The following CD8B2 variants were observed in gnomAD, a reference collection of about 807,000 sequenced individuals.
The protein encoded by CD8B2 is T-cell surface glycoprotein CD8 beta-2 chain.
CD8B2 carries 11 observed loss-of-function variants against 23.7 expected under a neutral mutation model. The ratio of observed to expected loss-of-function variants is 0.46; its 90% CI spans 0.29 to 0.77. CD8B2 has a LOEUF of 0.77. Among genes scored for constraint, CD8B2 ranks in the 30% least tolerant of loss-of-function variants. The pLI is 0.09. For missense variants in CD8B2, 197 were observed against 270.5 expected (o/e 0.73, Z 1.91); for synonymous variants, 90 against 109.3 (o/e 0.82, Z 1.10).
chr2:106,525,234 C>G (rs1158080030), intron 5 of CD8B2, among the ~76,000 whole-genome samples: 2 of 152,184 alleles, frequency 1.3e-5, no homozygotes, highest in Admixed American at 6.5e-5. Flanking sequence ...TCCACGCTCA[C>G]CTAGTTAGAG....
chr2:106,491,847 C>A (rs1679203473), intron 2 of CD8B2, among the ~76,000 whole-genome samples: 1 of 152,194 alleles, frequency 6.6e-6, no homozygotes, highest in Admixed American at 6.5e-5. Flanking sequence ...CCGTGCCTGG[C>A]CAGGCATTAT....
At chr2:106,526,883 C>T (rs1453361351) in intron 5 of CD8B2, among the ~76,000 whole-genome samples, 2 of 152,228 alleles carry the variant, frequency 1.3e-5, no homozygotes, top group Non-Finnish European at 2.9e-5. Flanking sequence ...CTCAGGTCAT[C>T]TGCCTGCCTC....
At chr2:106,537,237 T>G (rs933023193) in intron 5 of CD8B2, among the ~76,000 whole-genome samples, 3 of 152,188 alleles carry the variant, frequency 2.0e-5, no homozygotes, top group African/African-American at 7.2e-5. Flanking sequence ...TCCCTATGTG[T>G]GTTTTAAACA....
chr2:106,514,756 G>GTGTC (rs1679701341), downstream of CD8B2, among the ~76,000 whole-genome samples: 1 of 150,604 alleles, frequency 6.6e-6, no homozygotes, highest in Non-Finnish European at 1.5e-5. Context: ...AGACTTTTGT[G>GTGTC]TGTGTGTGTG....
chr2:106,531,735 C>G (rs1679992417), intron 5 of CD8B2, among the ~76,000 whole-genome samples: 1 of 152,190 alleles, frequency 6.6e-6, no homozygotes, highest in South Asian at 2.1e-4. Flanking sequence ...GCATTCCAGT[C>G]CAGTGAGAAC....
rs1176781409 is a variant in CD8B2 at position 106,496,361 on chromosome 2, A to G, written c.493+99A>G. 5 of 1,434,068 alleles carry G rather than the reference A, an allele frequency of 3.5e-6. No homozygotes were observed. In the East Asian group the frequency reaches 7.5e-5, roughly 22 times the overall value. The allele number at this position is 1,434,068 out of a possible 1,614,324, so 88.8% of individuals were successfully genotyped here. Reference sequence around the variant, plus strand: ...CTTCCCCAGGCACTTTCCAAGTGTCAACTCTAGAGCCTATCTCCCCAGCCC... The same window carrying G: ...CTTCCCCAGGCACTTTCCAAGTGTCGACTCTAGAGCCTATCTCCCCAGCCC... On this transcript the variant is annotated intron_variant, in intron 3 of 5. Coordinates refer to ENST00000643224, the MANE Select transcript of CD8B2 (RefSeq NM_001349727.2).
rs572023502 is a variant in CD8B2 at position 106,495,475 on chromosome 2, G to T, written c.404-698G>T. 3.9e-5 allele frequency among the ~76,000 whole-genome samples: 6 copies of T among 152,264 alleles called. 1 individual carries two copies. In the South Asian group the frequency reaches 1.0e-3, roughly 26 times the overall value. Reference sequence around the variant, plus strand: ...AATTGCTTGAACCCGGGAGGCAAAGGTTGCAGTGAGCCGAGATCGTGCCAC... The same window carrying T: ...AATTGCTTGAACCCGGGAGGCAAAGTTTGCAGTGAGCCGAGATCGTGCCAC... On this transcript the variant is annotated intron_variant, in intron 2 of 5. Coordinates refer to ENST00000643224, the MANE Select transcript of CD8B2 (RefSeq NM_001349727.2).
chr2:106,504,267 C>T (rs558684376), intron 4 of CD8B2, 22 bp from the exon 5 acceptor site: 304 of 1,555,726 alleles, frequency 2.0e-4, no homozygotes, highest in Non-Finnish European at 2.3e-4. Flanking sequence ...CACTGACTGG[C>T]GCCCTTGCTT....
In CD8B2 at chr2:106,502,527, C is replaced by T; in HGVS notation, c.547C>T (p.Leu183=). The change falls in exon 4 of 6, where the codon CTG becomes TTG. Residue 183 remains leucine, a synonymous_variant. Transcript: ENST00000643224. ...CCTGCTGGTGGCTGGCGTCCTGGTT[C>T]TGCTGGTTTCCCTGGGAGTGGCCAT... is the stretch of plus-strand genomic sequence containing the variant. ...LGLLVAGVLV[L]LVSLGVAMHL... 6.3e-7 allele frequency: 1 copy of T among 1,583,966 alleles called. No homozygotes were observed. Among genetic ancestry groups the T allele is most frequent in the Admixed American group, 1.8e-5 (1 of 55,876 alleles).
intron 5 of CD8B2, chr2:106,535,050 G>C (rs1234003670): frequency 6.6e-6 from 1 of 152,168 alleles, no homozygotes; most frequent in East Asian, 1.9e-4. Context: ...TCAAATTCCT[G>C]ACCCCAAGTG....
In CD8B2 at chr2:106,491,192, G is replaced by A; in HGVS notation, c.362G>A (p.Ser121Asn). The A allele has an allele frequency of 6.2e-7, 1 of 1,612,218 alleles. No homozygotes were observed. The highest frequency in any genetic ancestry group is 1.1e-5 in the South Asian group (1 of 90,972). The change falls in exon 2 of 6, where the codon AGC (serine) becomes AAC (asparagine). Residue 121 changes from serine (S) to asparagine (N), a missense_variant. Around this residue, in one of 3 missense-constraint regions of CD8B2, gnomAD observed 140 missense variants for 164.2 expected, o/e 0.85. Coordinates refer to ENST00000643224, the MANE Select transcript of CD8B2 (RefSeq NM_001349727.2). ...ATCTACTTCTGCATGATCGTCGGGA[G>A]CCCCGAGCTGACCTTCGGGAAGGGA... ...SGIYFCMIVG[S>N]PELTFGKGTQ...
At position 106,526,506 on chromosome 2, in the gene CD8B2, A is replaced by G. The variant is rs190772025; in HGVS notation, c.621-17486A>G. On this transcript the variant is annotated intron_variant, in intron 5 of 5. Coordinates refer to the CD8B2 transcript ENST00000416057. ...TGTCGTAGACATTTCATGTAAATGTAGTCATACACTATGTGGACTTCAGTG... is the reference window on the plus strand; with the variant it reads ...TGTCGTAGACATTTCATGTAAATGTGGTCATACACTATGTGGACTTCAGTG... Among the ~76,000 whole-genome samples the G allele has an allele frequency of 1.3e-3, 199 of 152,332 alleles. 1 individual carries two copies. Among genetic ancestry groups the G allele is most frequent in the Middle Eastern group, 0.01 (3 of 294 alleles).
chr2:106,496,447 C>T (rs1249946775), intron 3 of CD8B2, among the ~76,000 whole-genome samples, 185 bp downstream of exon 3: 1 of 152,080 alleles, frequency 6.6e-6, no homozygotes, highest in African/African-American at 2.4e-5. Context: ...GGGAGACAGA[C>T]TCGTAAATTG....
chr2:106,511,106 TAAG>T (rs1679623818), downstream of CD8B2: 1 of 152,166 alleles, frequency 6.6e-6, no homozygotes, highest in South Asian at 2.1e-4. Context: ...ATTGTTATAA[TAAG>T]AAGTTGGAAT....
chr2:106,506,049 C>T (rs546928046), intron 5 of CD8B2, among the ~76,000 whole-genome samples: 13 of 152,176 alleles, frequency 8.5e-5, no homozygotes, highest in East Asian at 3.9e-4. Context: ...GTAAGAGAAT[C>T]GCTTGAACCC....
At chr2:106,528,890 A>G (rs1419790796) in intron 5 of CD8B2, among the ~76,000 whole-genome samples, 1 of 152,222 alleles carries the variant, frequency 6.6e-6, no homozygotes, top group Non-Finnish European at 1.5e-5. Flanking sequence ...GATTCAGGGT[A>G]GGTTGTGGCA....
intron 5 of CD8B2, among the ~76,000 whole-genome samples, chr2:106,506,362 G>C (rs1387179115): frequency 6.6e-6 from 1 of 152,058 alleles, no homozygotes; most frequent in Admixed American, 6.5e-5. Context: ...GGTGGTCGTG[G>C]GGGGACCCTG....
intron 2 of CD8B2, among the ~76,000 whole-genome samples, chr2:106,492,609 A>G (rs1482047317): frequency 6.6e-6 from 1 of 152,014 alleles, no homozygotes; most frequent in Non-Finnish European, 1.5e-5. Context: ...CTCTAGCCCC[A>G]CCTCCAGCTT....
chr2:106,540,446 C>A (rs555811626), intron 5 of CD8B2, among the ~76,000 whole-genome samples: 2 of 152,338 alleles, frequency 1.3e-5, no homozygotes, highest in South Asian at 4.1e-4. Flanking sequence ...GGCAGTACCA[C>A]TCCCTCATTT....
Sources: allele counts gnomAD v4.1 joint callset (sites outside exome capture counted in the v4.1 genomes callset), GRCh38; gene constraint gnomAD v4.1.1; regional missense constraint gnomAD v4.1.1; transcripts MANE v1.5; gene names NCBI Gene and HGNC (gene_info 2026-07-23, HGNC 2026-07-21).